Variants in GEN1 observed in about 807,000 individuals in gnomAD.
GEN1 encodes the protein GEN1 structure-specific endonuclease, also known as flap endonuclease GEN homolog 1.
GEN1 carries 64 observed loss-of-function variants against 67.6 expected under a neutral mutation model. That is an observed-to-expected ratio of 0.95 (90% CI 0.77 to 1.17). The LOEUF (loss-of-function observed/expected upper bound fraction) is 1.17, where lower values mean the gene tolerates loss of function less well. Among genes scored for constraint, GEN1 ranks in the 50% most tolerant of loss-of-function variants. GEN1 has a pLI of 0.00. For missense variants in GEN1, 1,058 were observed against 1,048.3 expected (o/e 1.01, Z -0.13); for synonymous variants, 371 against 359.4 (o/e 1.03, Z -0.37).
intron 10 of GEN1, 106 bp from the exon 11 acceptor site, chr2:17,774,163 TAC>T (rs969482517): frequency 1.5e-5 from 7 of 476,572 alleles, no homozygotes; most frequent in Non-Finnish European, 2.5e-5. Flanking sequence ...TCATTGATAC[TAC>T]TTTAACTTAC....
intron 4 of GEN1, 73 bp downstream of exon 4, chr2:17,765,146 A>T: frequency 7.0e-7 from 1 of 1,419,574 alleles, no homozygotes; most frequent in Non-Finnish European, 9.8e-7. Context: ...TAAATGAAAT[A>T]GTAGATATAA....
intron 6 of GEN1, among the ~76,000 whole-genome samples, chr2:17,770,103 G>T (rs1352539540): frequency 6.6e-6 from 1 of 152,128 alleles, no homozygotes; most frequent in African/African-American, 2.4e-5. Flanking sequence ...TGGCCTGGGT[G>T]TGAGTTAAGG....
At chr2:17,778,323 C>CATATATGTATATACACACGT (rs1553331284) in intron 12 of GEN1, among the ~76,000 whole-genome samples, 1 of 30,870 alleles carries the variant, frequency 3.2e-5, no homozygotes, top group African/African-American at 1.1e-4. Context: ...TACACACACA[C>CATATATGTATATACACACGT]GTGTACATAT....
chr2:17,781,575 A>G lies in GEN1; in HGVS notation c.2363A>G (p.Lys788Arg), dbSNP rs1426516340. ...SRKVDMQTTR[K>R]ILMKKSVCLD... Reference sequence around the variant, plus strand: ...AAAGTTGATATGCAAACCACTCGGAAAATTTTAATGAAGAAGAGTGTTTGC... The same window carrying G: ...AAAGTTGATATGCAAACCACTCGGAGAATTTTAATGAAGAAGAGTGTTTGC... The change falls in exon 14 of 14, where the codon AAA becomes AGA. Residue 788 changes from lysine to arginine, a missense_variant. Lys to Arg is a conservative substitution (Grantham distance 26). Coordinates refer to ENST00000381254, the MANE Select transcript of GEN1 (RefSeq NM_001130009.3). 1.2e-6 allele frequency: 2 copies of G among 1,613,968 alleles called. No individual in the cohort carries two copies. Among genetic ancestry groups the G allele is most frequent in the African/African-American group, 1.3e-5 (1 of 75,064 alleles).
upstream of GEN1, chr2:17,754,085 G>C (rs1432515492): frequency 6.6e-6 from 1 of 152,256 alleles, no homozygotes; most frequent in Non-Finnish European, 1.5e-5. Context: ...GGGCCCCATT[G>C]GGGGAAAGGG....
chr2:17,755,463 A>G (rs950686018), intron 1 of GEN1: 6 of 152,236 alleles, frequency 3.9e-5, no homozygotes, highest in Non-Finnish European at 8.8e-5. Flanking sequence ...GTATTTATTG[A>G]TAAACGTGAA....
At chr2:17,754,012 C>T (rs927813316), upstream of GEN1, 1 of 152,336 alleles carries the variant, frequency 6.6e-6, no homozygotes, top group African/African-American at 2.4e-5. Flanking sequence ...TTGAGCGCCC[C>T]CGGCAGCTGG....
chr2:17,786,448 T>C lies in GEN1; in HGVS notation c.*4509T>C, dbSNP rs983287881. 1.6e-4 allele frequency: 25 copies of C among 152,230 alleles called. No individual in the cohort carries two copies. The highest frequency in any genetic ancestry group is 6.0e-4 in the African/African-American group (25 of 41,468). 9.4% of individuals were successfully genotyped at this position (152,230 alleles called of 1,614,324 possible). ...AAAAATTGTGCTTGCTTAAATATAA[T>C]GTGGTAACTAATATTCATCTAATCA... On this transcript the variant is annotated 3_prime_UTR_variant, in exon 14 of 14. Coordinates refer to ENST00000381254, the MANE Select transcript of GEN1 (RefSeq NM_001130009.3).
At chr2:17,776,395 C>A (rs1024345185) in intron 11 of GEN1, among the ~76,000 whole-genome samples, 2 of 151,946 alleles carry the variant, frequency 1.3e-5, no homozygotes, top group Admixed American at 6.6e-5. Flanking sequence ...TGTTAAACTT[C>A]CAGAGTGTGA....
In GEN1 at chr2:17,768,821, A is replaced by C; in HGVS notation, c.710+10A>C. Reference sequence around the variant, plus strand: ...AAAGTTTACTTCAGAGGTAACTAATAATTACTTTCTCTTGTGACATTGAAC... The same window carrying C: ...AAAGTTTACTTCAGAGGTAACTAATCATTACTTTCTCTTGTGACATTGAAC... On this transcript the variant is annotated intron_variant, in intron 6 of 13. Transcript: ENST00000381254. The C allele has an allele frequency of 6.6e-7, 1 of 1,504,198 alleles. No homozygotes were observed. The highest frequency in any genetic ancestry group is 2.3e-5 in the East Asian group (1 of 44,146). The allele number at this position is 1,504,198 out of a possible 1,614,324, so 93.2% of individuals were successfully genotyped here.
chr2:17,762,180 T>C (rs551322276), intron 3 of GEN1, among the ~76,000 whole-genome samples: 1 of 150,782 alleles, frequency 6.6e-6, no homozygotes, highest in East Asian at 1.9e-4. Flanking sequence ...AAGCTTTTTT[T>C]TTTCTGTTTT....
intron 11 of GEN1, among the ~76,000 whole-genome samples, chr2:17,777,033 C>G (rs1186843586): frequency 6.6e-6 from 1 of 151,842 alleles, no homozygotes; most frequent in Non-Finnish European, 1.5e-5. Context: ...TGCTGAGGCA[C>G]GAGAATCTCT....
rs1279637028 is a variant in GEN1 at position 17,785,956 on chromosome 2, A to C, written c.*4017A>C. On this transcript the variant is annotated 3_prime_UTR_variant, in exon 14 of 14. Coordinates refer to ENST00000381254, the MANE Select transcript of GEN1 (RefSeq NM_001130009.3). ...CCGTCTTCTAGATTTTATAATGAGG[A>C]CTCTACTTTTTCCTTTTGGGTAGCA... 1 of 151,526 alleles carries C rather than the reference A, an allele frequency of 6.6e-6. No homozygotes were observed. Among genetic ancestry groups the C allele is most frequent in the Non-Finnish European group, 1.5e-5 (1 of 67,902 alleles). 9.4% of individuals were successfully genotyped at this position (151,526 alleles called of 1,614,324 possible). A position where few individuals can be genotyped will look rare whatever the true frequency, so the allele number is the denominator to read the frequency against.
chr2:17,762,138 AATC>A (rs1671710798), intron 3 of GEN1, among the ~76,000 whole-genome samples: 1 of 150,906 alleles, frequency 6.6e-6, no homozygotes, highest in Admixed American at 6.6e-5. Flanking sequence ...TTAAGAAAGA[AATC>A]ATCTATAGTA....
Position 17,764,902 on chromosome 2 carries a change from C to G in GEN1, c.354C>G (p.Leu118=), listed in dbSNP as rs1426651329. 6.2e-7 allele frequency: 1 copy of G among 1,612,880 alleles called. No homozygotes were observed. The highest frequency in any genetic ancestry group is 1.7e-5 in the Admixed American group (1 of 59,590). Reference sequence around the variant, plus strand: ...CACCTGCTTTTTGTTTTCAGTGCCTCCATATGCTCGAATGCTTAGGAATCC... The same window carrying G: ...CACCTGCTTTTTGTTTTCAGTGCCTGCATATGCTCGAATGCTTAGGAATCC... ...SHFKSVLREC[L]HMLECLGIPW... is the part of the protein sequence containing the mutation. Residue 118 remains leucine, a synonymous_variant, in exon 4 of 14, where the codon CTC becomes CTG. Coordinates refer to ENST00000381254, the MANE Select transcript of GEN1 (RefSeq NM_001130009.3).
At chr2:17,771,116 G>C (rs758289681) in intron 6 of GEN1, 80 bp from the exon 7 acceptor site, 8 of 831,394 alleles carry the variant, frequency 9.6e-6, no homozygotes, top group Admixed American at 3.6e-5. Context: ...AAAGGGAATA[G>C]ATCAGCCTGA....
At position 17,781,372 on chromosome 2, in the gene GEN1, A is replaced by G; in HGVS notation, c.2160A>G (p.Ser720=). 6.2e-7 allele frequency: 1 copy of G among 1,613,928 alleles called. No individual in the cohort carries two copies. The highest frequency in any genetic ancestry group is 2.2e-5 in the East Asian group (1 of 44,868). Reference sequence around the variant, plus strand: ...GTTCTGATTGTACATCACATCTTTCAAAGGATCTTCCAGGAATTCCCTTGC... The same window carrying G: ...GTTCTGATTGTACATCACATCTTTCGAAGGATCTTCCAGGAATTCCCTTGC... ...NSGSDCTSHL[S]KDLPGIPLQN... The change falls in exon 14 of 14, where the codon TCA becomes TCG. Residue 720 remains serine (S), a synonymous_variant. Coordinates refer to ENST00000381254, the MANE Select transcript of GEN1 (RefSeq NM_001130009.3).
chr2:17,785,329 CTTG>C lies in GEN1; in HGVS notation c.*3393_*3395del, dbSNP rs1355218126. 6.6e-6 allele frequency: 1 copy of C among 152,196 alleles called. No individual in the cohort carries two copies. Among genetic ancestry groups the C allele is most frequent in the East Asian group, 1.9e-4 (1 of 5,192 alleles). 9.4% of individuals were successfully genotyped at this position (152,196 alleles called of 1,614,324 possible). A position where few individuals can be genotyped will look rare whatever the true frequency, so the allele number is the denominator to read the frequency against. ...AATTCTTTTTAAAGCATTCCATGTT[CTTG>C]TTCCTTGATGTGGTCATGTTATCAC... is the stretch of plus-strand genomic sequence containing the variant. On this transcript the variant is annotated 3_prime_UTR_variant, in exon 14 of 14. Coordinates refer to ENST00000381254, the MANE Select transcript of GEN1 (RefSeq NM_001130009.3).
chr2:17,753,453 C>A (rs142059229), upstream of GEN1, among the ~76,000 whole-genome samples: 7,546 of 136,638 alleles, frequency 0.055, 208 homozygotes, highest in Middle Eastern at 0.11. Flanking sequence ...GCCGCCCGAC[C>A]CGCCCGAGGA....
Sources: gnomAD v4.1 joint callset for allele counts (sites outside exome capture counted in the v4.1 genomes callset) on GRCh38, gnomAD v4.1.1 for gene constraint, MANE v1.5 for transcripts, NCBI Gene and HGNC (gene_info 2026-07-23, HGNC 2026-07-21) for gene names.